The following PTPRG variants were observed in gnomAD, a reference collection of about 807,000 sequenced individuals.
PTPRG encodes receptor-type tyrosine-protein phosphatase gamma.
In PTPRG, 102 loss-of-function variants were observed where a neutral mutation model predicts 165.3. The ratio of observed to expected loss-of-function variants is 0.62; its 90% confidence interval spans 0.53 to 0.73. The LOEUF (loss-of-function observed/expected upper bound fraction) is 0.73, where lower values mean the gene tolerates loss of function less well. PTPRG is among the 30% of genes least tolerant of loss of function. The probability of loss-of-function intolerance (pLI) is 0.00; values close to 1 mark genes in which losing one functional copy is unlikely to be tolerated. For missense variants in PTPRG, 1,866 were observed against 1,861.4 expected (o/e 1.00, Z -0.05); for synonymous variants, 675 against 669.5 (o/e 1.01, Z -0.13).
intron 4 of PTPRG, among the ~76,000 whole-genome samples, chr3:62,041,960 C>T (rs17767097): frequency 0.12 from 17,631 of 152,146 alleles, 1,170 homozygotes; most frequent in Middle Eastern, 0.22. Flanking sequence ...GCATCATAAT[C>T]ATCCTTGTTT....
chr3:61,579,607 G>A (rs189722657), intron 1 of PTPRG, among the ~76,000 whole-genome samples: 368 of 152,340 alleles, frequency 2.4e-3, no homozygotes, highest in Non-Finnish European at 4.3e-3. Context: ...CTTGGAAAGC[G>A]GCGAAAGCCA....
chr3:61,989,862 C>T, intron 3 of PTPRG, 58 bp downstream of exon 3: 1 of 1,576,356 alleles, frequency 6.3e-7, no homozygotes, highest in South Asian at 1.2e-5. Flanking sequence ...TTGGATGTCT[C>T]TGGTGTTTTC....
chr3:61,621,033 G>GTGTATATATATATATATATATATA (rs767786792), intron 1 of PTPRG, among the ~76,000 whole-genome samples: 6 of 129,992 alleles, frequency 4.6e-5, no homozygotes, highest in African/African-American at 1.1e-4. Context: ...GTGTGTGTGT[G>GTGTATATATATATATATATATATA]TATATATATA....
chr3:61,987,013 G>C (rs1395590713), intron 2 of PTPRG, among the ~76,000 whole-genome samples: 1 of 151,830 alleles, frequency 6.6e-6, no homozygotes, highest in East Asian at 1.9e-4. Context: ...AATGATTAAT[G>C]GTATAATTCT....
chr3:61,825,623 T>C (rs1011881661), intron 2 of PTPRG, among the ~76,000 whole-genome samples: 1 of 151,522 alleles, frequency 6.6e-6, no homozygotes, highest in African/African-American at 2.4e-5. Context: ...GTCTTAGTTC[T>C]ACCACTTGGC....
chr3:61,877,804 A>G (rs1352390312), intron 2 of PTPRG, among the ~76,000 whole-genome samples: 1 of 152,204 alleles, frequency 6.6e-6, no homozygotes, highest in African/African-American at 2.4e-5. Context: ...ACTCTGAACA[A>G]ACTGTGTGTG....
intron 1 of PTPRG, among the ~76,000 whole-genome samples, chr3:61,650,827 G>A (rs1296785439): frequency 6.6e-6 from 1 of 152,084 alleles, no homozygotes; most frequent in Non-Finnish European, 1.5e-5. Context: ...TGTCATTTGA[G>A]GGTCTTTTAC....
At chr3:62,030,306 A>G (rs1699724015) in intron 4 of PTPRG, among the ~76,000 whole-genome samples, 1 of 151,876 alleles carries the variant, frequency 6.6e-6, no homozygotes, top group Admixed American at 6.6e-5. Flanking sequence ...TCAAACTGAT[A>G]TTTATCGAGC....
At chr3:61,896,068 T>G (rs2038347719) in intron 2 of PTPRG, among the ~76,000 whole-genome samples, 1 of 152,324 alleles carries the variant, frequency 6.6e-6, no homozygotes, top group East Asian at 1.9e-4. Context: ...ATGTGCATTA[T>G]GTAGGTGTGT....
intron 8 of PTPRG, among the ~76,000 whole-genome samples, chr3:62,179,040 C>T (rs1408862977): frequency 6.6e-6 from 1 of 152,210 alleles, no homozygotes; most frequent in Non-Finnish European, 1.5e-5. Context: ...AGCTGGGAGA[C>T]ATCTTCCCCA....
At chr3:61,953,078 T>C (rs1165360206) in intron 2 of PTPRG, among the ~76,000 whole-genome samples, 4 of 151,990 alleles carry the variant, frequency 2.6e-5, no homozygotes, top group Non-Finnish European at 5.9e-5. Flanking sequence ...CCTTTCTACT[T>C]ACCGTGCCCC....
rs574094539 is a variant in PTPRG at position 61,608,572 on chromosome 3, T to C, written c.85+46200T>C. 2.6e-5 allele frequency among the ~76,000 whole-genome samples: 4 copies of C among 152,302 alleles called. No homozygotes were observed. In the East Asian group the frequency reaches 7.7e-4, roughly 29 times the overall value. On this transcript the variant is annotated intron_variant, in intron 1 of 29. Coordinates refer to ENST00000474889, the MANE Select transcript of PTPRG (RefSeq NM_002841.4). ...CTGAGGGTACAAGGTTGAGGAGAGC[T>C]GACCTGGAAGGGAAGGGAAGCACCT... is the stretch of plus-strand genomic sequence containing the variant.
chr3:61,608,744 C>G (rs1035144028), intron 1 of PTPRG, among the ~76,000 whole-genome samples: 28 of 152,188 alleles, frequency 1.8e-4, no homozygotes, highest in African/African-American at 6.3e-4. Flanking sequence ...GGAGAGGGAC[C>G]TCAGTCCATT....
chr3:61,615,848 G>A lies in PTPRG; in HGVS notation c.85+53476G>A, dbSNP rs565333241. Among the ~76,000 whole-genome samples, 9 of 152,262 alleles carry A rather than the reference G, an allele frequency of 5.9e-5. No homozygotes were observed. The South Asian group carries it at 1.9e-3, about 32-fold the overall frequency. ...TACTGTCTAGAACAAGAAGTTCCAG[G>A]TTCATCTTGTACTCTGCCGGCCCTG... is the stretch of plus-strand genomic sequence containing the variant. On this transcript the variant is annotated intron_variant, in intron 1 of 29. Transcript: ENST00000474889.
chr3:61,742,884 G>A (rs1182529504), intron 1 of PTPRG: 86 of 1,528,964 alleles, frequency 5.6e-5, no homozygotes, highest in Non-Finnish European at 7.6e-5. Context: ...CCTTAGCCTC[G>A]TCACAGTGCT....
intron 2 of PTPRG, among the ~76,000 whole-genome samples, chr3:61,805,678 G>A (rs1023485762): frequency 4.6e-5 from 7 of 152,108 alleles, no homozygotes; most frequent in Non-Finnish European, 1.0e-4. Flanking sequence ...CACTGATTCA[G>A]CTCTCAGATG....
chr3:61,614,269 G>A (rs974703001), intron 1 of PTPRG, among the ~76,000 whole-genome samples: 5 of 152,098 alleles, frequency 3.3e-5, no homozygotes, highest in African/African-American at 4.8e-5. Context: ...GAGTAATTAA[G>A]TATAGTCTCT....
intron 1 of PTPRG, among the ~76,000 whole-genome samples, chr3:61,701,031 T>C (rs2030924036): frequency 6.6e-6 from 1 of 152,144 alleles, no homozygotes; most frequent in African/African-American, 2.4e-5. Flanking sequence ...CTCCTGGTTT[T>C]CTGGAAACCT....
At chr3:61,999,876 A>G (rs1243754404) in intron 3 of PTPRG, among the ~76,000 whole-genome samples, 1 of 152,228 alleles carries the variant, frequency 6.6e-6, no homozygotes, top group Non-Finnish European at 1.5e-5. Context: ...TATGTGGGTT[A>G]TATTAGCACC....
Sources: allele counts gnomAD v4.1 joint callset (sites outside exome capture counted in the v4.1 genomes callset), GRCh38; gene constraint gnomAD v4.1.1; transcripts MANE v1.5; gene names NCBI Gene and HGNC (gene_info 2026-07-23, HGNC 2026-07-21).